FBN1: variants seen among roughly 807,000 people sequenced by gnomAD.
The protein encoded by FBN1 is fibrillin-1.
A neutral mutation model predicts 365.1 loss-of-function variants in FBN1; 29 were observed. That is an observed-to-expected ratio of 0.08 (90% CI 0.06 to 0.11). The LOEUF is 0.11. FBN1 is among the 10% of genes least tolerant of loss of function. The probability of loss-of-function intolerance (pLI) is 1.00; values close to 1 mark genes in which losing one functional copy is unlikely to be tolerated. For missense variants in FBN1, 2,476 were observed against 3,703.2 expected, an observed-to-expected ratio of 0.67 and a Z score of 8.60; for synonymous variants, 1,210 against 1,270.5, an observed-to-expected ratio of 0.95 and a Z score of 1.01.
At chr15:48,627,605 C>T (rs761715726) in intron 2 of FBN1, among the ~76,000 whole-genome samples, 8 of 152,116 alleles carry the variant, frequency 5.3e-5, no homozygotes, top group Non-Finnish European at 7.3e-5. Context: ...CAATGAGCTG[C>T]TCGAAGGCCT....
chr15:48,627,768 G>A (rs1889912081), intron 2 of FBN1, among the ~76,000 whole-genome samples: 1 of 152,134 alleles, frequency 6.6e-6, no homozygotes, highest in African/African-American at 2.4e-5. Context: ...AATCCAACCC[G>A]AAAGATTTCC....
chr15:48,500,501 G>T (rs1307780484), intron 17 of FBN1, among the ~76,000 whole-genome samples: 1 of 152,124 alleles, frequency 6.6e-6, no homozygotes, highest in African/African-American at 2.4e-5. Flanking sequence ...CATTTCACCT[G>T]GTGGCTGTAC....
chr15:48,631,004 G>C (rs1433907614), intron 2 of FBN1, among the ~76,000 whole-genome samples: 1 of 152,094 alleles, frequency 6.6e-6, no homozygotes. Context: ...AGAGTTTACT[G>C]CCAATCAGTT....
chr15:48,588,596 T>C (rs2044453334), intron 6 of FBN1, among the ~76,000 whole-genome samples: 1 of 152,240 alleles, frequency 6.6e-6, no homozygotes, highest in Non-Finnish European at 1.5e-5. Context: ...CACAAGAGAA[T>C]GTTAGAATCA....
intron 24 of FBN1, among the ~76,000 whole-genome samples, chr15:48,490,468 T>G (rs2141298030): frequency 6.6e-6 from 1 of 152,342 alleles, no homozygotes; most frequent in South Asian, 2.1e-4. Flanking sequence ...CCAACTGTAC[T>G]CTTTATTGTT....
At chr15:48,423,619 A>G (rs1406878989) in intron 60 of FBN1, among the ~76,000 whole-genome samples, 13 of 152,158 alleles carry the variant, frequency 8.5e-5, no homozygotes, top group Non-Finnish European at 1.5e-5. Context: ...CATGAAGAAC[A>G]GCAGCACTTG....
Position 48,637,016 on chromosome 15 carries a change from A to G in FBN1, c.164+7590T>C, listed in dbSNP as rs73396373. On this transcript the variant is annotated intron_variant, in intron 2 of 65. Coordinates refer to ENST00000316623, the MANE Select transcript of FBN1 (RefSeq NM_000138.5). The stretch of plus-strand genomic sequence containing the variant: ...ATTTTCTCTTTATGGTGCTACAATG[A>G]CTTCGTGTATGGTAAGTTTGAATAT... Among the ~76,000 whole-genome samples the G allele has an allele frequency of 6.0e-3, 909 of 152,226 alleles. 9 individuals are homozygous for G. Among genetic ancestry groups the G allele is most frequent in the African/African-American group, 0.021 (887 of 41,530 alleles).
intron 17 of FBN1, among the ~76,000 whole-genome samples, chr15:48,500,540 A>C (rs968394494): frequency 6.6e-6 from 1 of 152,206 alleles, no homozygotes; most frequent in Non-Finnish European, 1.5e-5. Context: ...TTAATGATTG[A>C]ACGTGTACTG....
chr15:48,534,299 C>T, intron 7 of FBN1, 94 bp from the exon 8 acceptor site: 1 of 1,306,830 alleles, frequency 7.7e-7, no homozygotes, highest in South Asian at 1.3e-5. Context: ...ATTATGTTAC[C>T]ATATTTATAT....
intron 48 of FBN1, among the ~76,000 whole-genome samples, chr15:48,445,151 TATATAC>T (rs1166009554): frequency 1.8e-5 from 2 of 108,762 alleles, no homozygotes; most frequent in East Asian, 5.1e-4. Flanking sequence ...CACACATATA[TATATAC>T]ATATATATAT....
At chr15:48,462,810 CAAT>C (rs1381073208) in intron 42 of FBN1, among the ~76,000 whole-genome samples, 1 of 152,148 alleles carries the variant, frequency 6.6e-6, no homozygotes, top group Admixed American at 6.5e-5. Context: ...AATTCAGTAA[CAAT>C]GAGAACATTG....
chr15:48,590,040 G>A (rs565376726), intron 6 of FBN1, among the ~76,000 whole-genome samples: 3 of 152,328 alleles, frequency 2.0e-5, no homozygotes, highest in South Asian at 2.1e-4. Flanking sequence ...ATAGTTCACA[G>A]AGCTCTGCCT....
At chr15:48,442,735 T>C (rs1366508017) in intron 49 of FBN1, among the ~76,000 whole-genome samples, 1 of 152,208 alleles carries the variant, frequency 6.6e-6, no homozygotes, top group African/African-American at 2.4e-5. Flanking sequence ...CAATAAAACA[T>C]ACGATTACCT....
intron 36 of FBN1, among the ~76,000 whole-genome samples, chr15:48,470,294 G>C (rs1304527104): frequency 6.6e-6 from 1 of 152,036 alleles, no homozygotes; most frequent in African/African-American, 2.4e-5. Context: ...CATGATCCCG[G>C]GGCATGGCCT....
At position 48,644,707 on chromosome 15, in the gene FBN1, C is replaced by T. The variant is rs2140787726; in HGVS notation, c.63G>A (p.Thr21=). 1 of 1,614,116 alleles carries T rather than the reference C, an allele frequency of 6.2e-7. No homozygotes were observed. Among genetic ancestry groups the T allele is most frequent in the African/African-American group, 1.3e-5 (1 of 75,056 alleles). The part of the protein sequence containing the change: ...LGFTVLLASY[T]SHGADANLEA... ...CCAAATTGGCGTCCGCCCCATGGCT[C>T]GTGTAGGACGCTAAAAGCACGGTAA... Residue 21 remains threonine, a synonymous_variant, in exon 2 of 66, where the codon ACG becomes ACA. Coordinates refer to ENST00000316623, the MANE Select transcript of FBN1 (RefSeq NM_000138.5).
chr15:48,452,714 G>A (rs755431906), intron 44 of FBN1, 30 bp from the exon 45 acceptor site: 1 of 1,564,756 alleles, frequency 6.4e-7, no homozygotes, highest in Non-Finnish European at 8.6e-7. Context: ...GAATTTGAAG[G>A]AGAACAGAAT....
intron 53 of FBN1, 124 bp downstream of exon 53, chr15:48,436,837 T>C (rs1305239455): frequency 1.3e-6 from 1 of 756,038 alleles, no homozygotes; most frequent in Admixed American, 1.8e-5. Flanking sequence ...GAATGATGTA[T>C]GAGTGGATGG....
At chr15:48,419,065 C>T (rs921137325) in intron 63 of FBN1, among the ~76,000 whole-genome samples, 1 of 152,190 alleles carries the variant, frequency 6.6e-6, no homozygotes. Flanking sequence ...TCTAAGAGAT[C>T]TGCTCTGTTT....
At position 48,487,322 on chromosome 15, in the gene FBN1, G is replaced by A. The variant is rs748759748; in HGVS notation, c.3453C>T (p.Ser1151=). The A allele has an allele frequency of 1.5e-5, 24 of 1,614,100 alleles. No individual in the cohort carries two copies. The highest frequency in any genetic ancestry group is 5.0e-5 in the Admixed American group (3 of 60,008). The change falls in exon 28 of 66, where the codon TCC becomes TCT. Residue 1151 remains serine, a synonymous_variant. Coordinates refer to ENST00000316623, the MANE Select transcript of FBN1 (RefSeq NM_000138.5). ...PPGHQLSPNI[S]ACIDINECEL... ...AGTCTTTCTCCTTACCGATACACGC[G>A]GAGATGTTGGGGGACAGCTGATGGC...
Sources: allele counts gnomAD v4.1 joint callset (sites outside exome capture counted in the v4.1 genomes callset), GRCh38; gene constraint gnomAD v4.1.1; transcripts MANE v1.5; gene names NCBI Gene and HGNC (gene_info 2026-07-23, HGNC 2026-07-21).